ATG14: variants seen among roughly 807,000 people sequenced by gnomAD.
ATG14 encodes the protein beclin 1-associated autophagy-related key regulator.
A neutral mutation model predicts 60.4 loss-of-function variants in ATG14; 35 were observed. That is an observed-to-expected ratio of 0.58 (90% CI 0.44 to 0.77). The LOEUF is 0.77. Among genes scored for constraint, ATG14 ranks in the 30% least tolerant of loss-of-function variants. The pLI, the probability that ATG14 is intolerant of heterozygous loss-of-function variation, is 0.00. For synonymous variants in ATG14, 234 were observed against 228.8 expected (o/e 1.02, Z -0.21); for missense variants, 647 against 626.3 (o/e 1.03, Z -0.35).
Position 55,369,529 on chromosome 14 carries a change from C to A in ATG14, c.*90G>T. On this transcript the variant is annotated 3_prime_UTR_variant, in exon 10 of 10. Coordinates refer to ENST00000247178, the MANE Select transcript of ATG14 (RefSeq NM_014924.5). ...CACTTTAACCTCTTTGTTCCAGACA[C>A]TATCTTAACTTAAACAGAAAATGTT... 1 of 1,221,950 alleles carries A rather than the reference C, an allele frequency of 8.2e-7. No individual in the cohort carries two copies. Among genetic ancestry groups the A allele is most frequent in the Non-Finnish European group, 1.1e-6 (1 of 900,346 alleles). The allele number at this position is 1,221,950 out of a possible 1,614,324, so 75.7% of individuals were successfully genotyped here.
At chr14:55,372,186 C>T (rs529114330) in intron 9 of ATG14, among the ~76,000 whole-genome samples, 9 of 152,214 alleles carry the variant, frequency 5.9e-5, no homozygotes, top group Admixed American at 2.0e-4. Flanking sequence ...CCCCTCCCAC[C>T]TCCCACTCTG....
Position 55,384,980 on chromosome 14 carries a change from T to A in ATG14, c.647+879A>T, listed in dbSNP as rs1298139280. Among the ~76,000 whole-genome samples the A allele has an allele frequency of 2.0e-5, 3 of 152,220 alleles. No individual in the cohort carries two copies. In the East Asian group the frequency reaches 5.8e-4, roughly 29 times the overall value. On this transcript the variant is annotated intron_variant, in intron 5 of 9. Coordinates refer to ENST00000247178, the MANE Select transcript of ATG14 (RefSeq NM_014924.5). Reference sequence around the variant, plus strand: ...GAACAGCCAGATGGGGGAACCACTGTCCTGTCTGTCCCACCAGGGGTTATC... The same window carrying A: ...GAACAGCCAGATGGGGGAACCACTGACCTGTCTGTCCCACCAGGGGTTATC...
At chr14:55,397,170 G>C (rs1885327082) in intron 2 of ATG14, among the ~76,000 whole-genome samples, 1 of 152,126 alleles carries the variant, frequency 6.6e-6, no homozygotes, top group South Asian at 2.1e-4. Flanking sequence ...CCACACACCG[G>C]ATCTGAGGCC....
chr14:55,403,961 T>C (rs1309902285), intron 1 of ATG14, among the ~76,000 whole-genome samples: 1 of 152,204 alleles, frequency 6.6e-6, no homozygotes, highest in African/African-American at 2.4e-5. Context: ...CTACATCTTG[T>C]TTGAAGAAAA....
rs1884762480 is a variant in ATG14, at chr14:55,369,529, C to T, written c.*90G>A. 1.6e-6 allele frequency: 2 copies of T among 1,221,832 alleles called. No individual in the cohort carries two copies. Among genetic ancestry groups the T allele is most frequent in the East Asian group, 2.4e-5 (1 of 41,480 alleles). 75.7% of individuals were successfully genotyped at this position (1,221,832 alleles called of 1,614,324 possible). A position where few individuals can be genotyped will look rare whatever the true frequency, so the allele number is the denominator to read the frequency against. The stretch of plus-strand genomic sequence containing the variant: ...CACTTTAACCTCTTTGTTCCAGACA[C>T]TATCTTAACTTAAACAGAAAATGTT... On this transcript the variant is annotated 3_prime_UTR_variant, in exon 10 of 10. Coordinates refer to ENST00000247178, the MANE Select transcript of ATG14 (RefSeq NM_014924.5).
Position 55,395,947 on chromosome 14 carries a change from T to C in ATG14, c.320A>G (p.Asp107Gly). 4.4e-6 allele frequency: 7 copies of C among 1,593,530 alleles called. No individual in the cohort carries two copies. Among genetic ancestry groups the C allele is most frequent in the Non-Finnish European group, 6.0e-6 (7 of 1,171,520 alleles). ...ACATGTATTACAACTTACCAACTGA[T>C]CTGTTATCCATTTTCCTTCCATAGC... is the stretch of plus-strand genomic sequence containing the variant. ...LKAMEGKWIT[D>G]QLRWKIMSCK... is the part of the protein sequence containing the mutation. The change falls in exon 3 of 10, where the codon GAT becomes GGT. Residue 107 changes from aspartate to glycine, a missense_variant. By Grantham distance (94) the Asp-to-Gly change is moderately conservative (BLOSUM62 -1). Coordinates refer to ENST00000247178, the MANE Select transcript of ATG14 (RefSeq NM_014924.5).
chr14:55,395,648 G>C (rs1272404221), intron 3 of ATG14, among the ~76,000 whole-genome samples: 2 of 152,144 alleles, frequency 1.3e-5, no homozygotes, highest in African/African-American at 4.8e-5. Flanking sequence ...AATCCATTTG[G>C]AGTGTGTATG....
intron 8 of ATG14, 22 bp downstream of exon 8, chr14:55,377,962 G>A (rs766886256): frequency 6.3e-7 from 1 of 1,599,376 alleles, no homozygotes; most frequent in South Asian, 1.1e-5. Context: ...GTAAAAATTA[G>A]TTCACAACCT....
intron 6 of ATG14, among the ~76,000 whole-genome samples, chr14:55,381,343 C>T (rs1311973089): frequency 3.9e-5 from 6 of 152,186 alleles, no homozygotes; most frequent in Non-Finnish European, 8.8e-5. Context: ...CCATTGGGGC[C>T]TTTCAGTCTC....
chr14:55,377,891 T>C lies in ATG14; in HGVS notation c.1100A>G (p.Asp367Gly). Residue 367 changes from aspartate (D) to glycine (G), a missense_variant, in exon 9 of 10, where the codon GAT becomes GGT. Coordinates refer to ENST00000247178, the MANE Select transcript of ATG14 (RefSeq NM_014924.5). ...YLCFSQHVNL[D>G]QLQPLHTLRN... ...GAGGGTATGCAGTGGTTGTAATTGA[T>C]CTAAATTTACATGCTAAAAAAAATT... 1.3e-5 allele frequency: 21 copies of C among 1,605,846 alleles called. No individual in the cohort carries two copies. The highest frequency in any genetic ancestry group is 1.8e-5 in the Non-Finnish European group (21 of 1,177,030).
chr14:55,397,899 T>C (rs1885337559), intron 1 of ATG14, among the ~76,000 whole-genome samples: 1 of 152,104 alleles, frequency 6.6e-6, no homozygotes, highest in South Asian at 2.1e-4. Context: ...AAAAAATTAC[T>C]TGTAAAAGTT....
In ATG14 at chr14:55,386,133, C is replaced by T. The variant is rs200691383; in HGVS notation, c.410-37G>A. ...AAATCACACCCAACAATTATCTCTG[C>T]AAACAGTTCCTGTGTACTGCAGAGC... On this transcript the variant is annotated intron_variant, in intron 4 of 9. Coordinates refer to ENST00000247178, the MANE Select transcript of ATG14 (RefSeq NM_014924.5). 255 of 1,555,534 alleles carry T rather than the reference C, an allele frequency of 1.6e-4. No homozygotes were observed. The South Asian group carries it at 1.7e-3, about 10-fold the overall frequency.
intron 5 of ATG14, among the ~76,000 whole-genome samples, chr14:55,383,341 A>G (rs894376644): frequency 3.9e-5 from 6 of 152,192 alleles, no homozygotes; most frequent in Admixed American, 2.6e-4. Context: ...ACTTGAGGTC[A>G]GGAATTCGAG....
rs1334764753 is a variant in ATG14 at position 55,382,093 on chromosome 14, C to T, written c.746G>A (p.Arg249Gln). ...TCCGTTGTGATCGTCACAGACCCAT[C>T]GTCCTGAGAGGTAAGTTGTCCTCCG... ...EARRTTYLSGRWVCDDHNGDT... is the reference protein window; with the variant it reads ...EARRTTYLSGQWVCDDHNGDT... Residue 249 changes from arginine to glutamine, a missense_variant, in exon 6 of 10, where the codon CGA becomes CAA. Physicochemically the swap from Arg to Gln is conservative, Grantham distance 43. Coordinates refer to ENST00000247178, the MANE Select transcript of ATG14 (RefSeq NM_014924.5). 11 of 1,614,136 alleles carry T rather than the reference C, an allele frequency of 6.8e-6. No individual in the cohort carries two copies. The highest frequency in any genetic ancestry group is 1.1e-5 in the South Asian group (1 of 91,076).
At chr14:55,392,903 T>C (rs1885243807) in intron 3 of ATG14, among the ~76,000 whole-genome samples, 4 of 152,104 alleles carry the variant, frequency 2.6e-5, no homozygotes, top group Admixed American at 2.6e-4. Context: ...TTCAGAAATA[T>C]ATCAGATATG....
rs767621873 is a variant in ATG14 at position 55,411,775 on chromosome 14, G to A, written c.48C>T (p.Gly16=). The part of the protein sequence containing the change: ...GKGARALEAP[G]CGPRPLARDL... ...CCCGGGCGAGCGGCCGGGGCCCGCA[G>A]CCAGGAGCCTCCAGCGCCCGGGCTC... The change falls in exon 1 of 10, where the codon GGC becomes GGT. Residue 16 remains glycine, a synonymous_variant. Transcript: ENST00000247178. 3.7e-6 allele frequency: 6 copies of A among 1,605,388 alleles called. No individual in the cohort carries two copies. In the African/African-American group the frequency reaches 6.7e-5, roughly 18 times the overall value.
intron 1 of ATG14, among the ~76,000 whole-genome samples, chr14:55,410,588 AC>A (rs1885555750): frequency 6.6e-6 from 1 of 152,182 alleles, no homozygotes; most frequent in African/African-American, 2.4e-5. Flanking sequence ...AATACTAAGA[AC>A]TCAAAACATT....
chr14:55,370,619 C>G (rs540318914), intron 9 of ATG14, among the ~76,000 whole-genome samples: 14 of 151,934 alleles, frequency 9.2e-5, no homozygotes, highest in African/African-American at 3.1e-4. Flanking sequence ...ACCGAGTCAG[C>G]AAACCTCAGA....
At chr14:55,390,198 G>A (rs1227576405) in intron 4 of ATG14, among the ~76,000 whole-genome samples, 5 of 152,014 alleles carry the variant, frequency 3.3e-5, no homozygotes, top group African/African-American at 1.2e-4. Flanking sequence ...AGCCTCCTGA[G>A]TAGCTGGGAT....
Sources: allele counts gnomAD v4.1 joint callset (sites outside exome capture counted in the v4.1 genomes callset), GRCh38; gene constraint gnomAD v4.1.1; transcripts MANE v1.5; gene names NCBI Gene and HGNC (gene_info 2026-07-23, HGNC 2026-07-21).